Variants in SIPA1L3 observed in about 807,000 individuals in gnomAD.
SIPA1L3 encodes the protein signal-induced proliferation-associated 1-like protein 3.
In SIPA1L3, 59 loss-of-function variants were observed where a neutral mutation model predicts 150.1. The observed-to-expected ratio is 0.39, with a 90% CI of 0.32 to 0.49. The LOEUF is 0.49. SIPA1L3 is among the 20% of genes least tolerant of loss of function. The pLI is 0.86. For synonymous variants in SIPA1L3, 1,070 were observed against 1,077.6 expected (o/e 0.99, Z 0.14); for missense variants, 2,211 against 2,489.5 (o/e 0.89, Z 2.38).
At chr19:38,097,375 C>T (rs1970403663) in intron 4 of SIPA1L3, among the ~76,000 whole-genome samples, 1 of 152,046 alleles carries the variant, frequency 6.6e-6, no homozygotes, top group Non-Finnish European at 1.5e-5. Context: ...TAAAAAAATA[C>T]AAACTGCCTG....
intron 12 of SIPA1L3, among the ~76,000 whole-genome samples, chr19:38,143,542 C>CTTTTTTTTTTT (rs10669806): frequency 1.3e-5 from 1 of 79,978 alleles, no homozygotes; most frequent in Non-Finnish European, 2.2e-5. Context: ...CTTTCTGTGT[C>CTTTTTTTTTTT]TTTTTTTTTT....
In SIPA1L3 at chr19:38,017,285, G is replaced by A. The variant is rs543964358; in HGVS notation, c.-378-11804G>A. Among the ~76,000 whole-genome samples the A allele has an allele frequency of 7.9e-5, 12 of 152,252 alleles. No individual in the cohort carries two copies. The South Asian group carries it at 1.2e-3, about 16-fold the overall frequency. ...TTGAATTCATGTAACAGGCATTTGC[G>A]GAACTGTTCTTGATATTGTGTCTTA... On this transcript the variant is annotated intron_variant, in intron 1 of 21. Transcript: ENST00000222345.
intron 1 of SIPA1L3, among the ~76,000 whole-genome samples, chr19:38,004,896 A>C (rs957958815): frequency 1.3e-5 from 2 of 152,210 alleles, no homozygotes. Context: ...TCTGCTTTGT[A>C]TTCTACTGGA....
intron 1 of SIPA1L3, among the ~76,000 whole-genome samples, chr19:38,016,176 C>T (rs1044344738): frequency 6.6e-6 from 1 of 152,236 alleles, no homozygotes; most frequent in Non-Finnish European, 1.5e-5. Flanking sequence ...TCTGGGGTCA[C>T]ACACTCATAA....
intron 5 of SIPA1L3, 114 bp downstream of exon 5, chr19:38,100,264 T>A: frequency 2.4e-6 from 2 of 821,256 alleles, no homozygotes; most frequent in Non-Finnish European, 3.6e-6. Context: ...AACAGAAACC[T>A]ACTTAAGCTG....
rs562250170 is a variant in SIPA1L3 at position 38,011,453 on chromosome 19, A to G, written c.-378-17636A>G. Among the ~76,000 whole-genome samples, 32 of 152,300 alleles carry G rather than the reference A, an allele frequency of 2.1e-4. 1 individual carries two copies. The South Asian group carries it at 6.2e-3, about 30-fold the overall frequency. ...ATTGCACCACTTCACTCCAGCCCGA[A>G]CAGTGGAGTGAGACCCTGTCTTGAA... On this transcript the variant is annotated intron_variant, in intron 1 of 21. Transcript: ENST00000222345.
intron 1 of SIPA1L3, among the ~76,000 whole-genome samples, chr19:37,985,485 A>G (rs977450528): frequency 5.3e-5 from 8 of 152,180 alleles, no homozygotes; most frequent in African/African-American, 1.9e-4. Context: ...CAATAGAGAG[A>G]GAGAAAGAAA....
intron 10 of SIPA1L3, among the ~76,000 whole-genome samples, chr19:38,139,065 A>G (rs35467693): frequency 0.47 from 71,143 of 150,536 alleles, 17,311 homozygotes; most frequent in East Asian, 0.65. Flanking sequence ...GTGTGGTGGC[A>G]CACACCTGTA....
In SIPA1L3 at chr19:38,110,398, AC is replaced by A. The variant is rs769396108; in HGVS notation, c.2291+17del. The A allele has an allele frequency of 4.4e-6, 7 of 1,603,024 alleles. No homozygotes were observed. The African/African-American group carries it at 9.4e-5, about 22-fold the overall frequency. ...CGTCTGTTACAGGTATGCCCCCCAC[AC>A]CCGGCCCCCAGCAGCGTATGGAGAG... On this transcript the variant is annotated intron_variant, in intron 8 of 21. Transcript: ENST00000222345.
chr19:38,026,562 G>C (rs906991697), intron 1 of SIPA1L3, among the ~76,000 whole-genome samples: 1 of 152,104 alleles, frequency 6.6e-6, no homozygotes, highest in Non-Finnish European at 1.5e-5. Context: ...ATAGATGCAG[G>C]GTGGGTCAAA....
At chr19:38,053,487 C>T (rs1969245303) in intron 2 of SIPA1L3, among the ~76,000 whole-genome samples, 1 of 152,088 alleles carries the variant, frequency 6.6e-6, no homozygotes, top group Non-Finnish European at 1.5e-5. Flanking sequence ...CTGGTGGTCA[C>T]CTATGCCAGG....
chr19:38,116,472 G>A (rs749959540), intron 8 of SIPA1L3, among the ~76,000 whole-genome samples: 1 of 146,112 alleles, frequency 6.8e-6, no homozygotes, highest in African/African-American at 2.6e-5. Flanking sequence ...GCAGTGAGCC[G>A]AGATCGCGCC....
intron 10 of SIPA1L3, among the ~76,000 whole-genome samples, chr19:38,139,819 T>C (rs1354219671): frequency 6.6e-6 from 1 of 152,162 alleles, no homozygotes; most frequent in Non-Finnish European, 1.5e-5. Context: ...GTCTTTCTAC[T>C]TCCATGATGG....
chr19:38,162,482 G>C, intron 14 of SIPA1L3, 111 bp downstream of exon 14: 1 of 780,614 alleles, frequency 1.3e-6, no homozygotes, highest in Non-Finnish European at 2.2e-6. Context: ...CCACTCAGCA[G>C]AGGGGTTGAA....
intron 1 of SIPA1L3, among the ~76,000 whole-genome samples, chr19:37,932,179 C>T (rs570093782): frequency 2.6e-5 from 4 of 152,328 alleles, no homozygotes; most frequent in South Asian, 2.1e-4. Context: ...AGCATCCAGG[C>T]GCAAGCTCAG....
At position 38,152,984 on chromosome 19, in the gene SIPA1L3, CT is replaced by C. The variant is rs1222235701; in HGVS notation, c.3661+18del. The C allele has an allele frequency of 6.2e-7, 1 of 1,608,596 alleles. No homozygotes were observed. Among genetic ancestry groups the C allele is most frequent in the East Asian group, 2.2e-5 (1 of 44,816 alleles). On this transcript the variant is annotated intron_variant, in intron 13 of 21. Coordinates refer to ENST00000222345, the MANE Select transcript of SIPA1L3 (RefSeq NM_015073.3). ...AGAAGCCAGGTAGGGCCCCCACCAG[CT>C]GCTGCGCCCACCCGCCTGCCTCACT...
At chr19:37,981,272 A>G (rs1369561208) in intron 1 of SIPA1L3, among the ~76,000 whole-genome samples, 3 of 152,036 alleles carry the variant, frequency 2.0e-5, no homozygotes, top group African/African-American at 7.2e-5. Context: ...CACCTCTACA[A>G]AAAATGAGCC....
intron 1 of SIPA1L3, among the ~76,000 whole-genome samples, chr19:37,909,546 A>G (rs2046361638): frequency 1.3e-5 from 2 of 152,238 alleles, no homozygotes; most frequent in East Asian, 3.9e-4. Flanking sequence ...GGATTAACAT[A>G]CGTAAACCTA....
intron 5 of SIPA1L3, among the ~76,000 whole-genome samples, chr19:38,100,451 A>ATGCTGGCTCCCTC (rs1285782103): frequency 6.6e-6 from 1 of 152,100 alleles, no homozygotes; most frequent in Non-Finnish European, 1.5e-5. Flanking sequence ...CCCGCTCCAC[A>ATGCTGGCTCCCTC]TGCTGGCTCC....
Sources: gnomAD v4.1 joint callset for allele counts (sites outside exome capture counted in the v4.1 genomes callset) on GRCh38, gnomAD v4.1.1 for gene constraint, MANE v1.5 for transcripts, NCBI Gene and HGNC (gene_info 2026-07-23, HGNC 2026-07-21) for gene names.